The following GFRA1 variants were observed in gnomAD, a reference collection of about 807,000 sequenced individuals.
The protein encoded by GFRA1 is GDNF family receptor alpha 1, also known as GDNF family receptor alpha-1.
GFRA1 carries 16 observed loss-of-function variants against 51.6 expected under a neutral mutation model. The ratio of observed to expected loss-of-function variants is 0.31; its 90% CI spans 0.21 to 0.47. The LOEUF is 0.47. Among genes scored for constraint, GFRA1 ranks in the 20% least tolerant of loss-of-function variants. The pLI is 1.00. For missense variants in GFRA1, 530 were observed against 594.3 expected (o/e 0.89, Z 1.13); for synonymous variants, 270 against 241.3 (o/e 1.12, Z -1.10).
chr10:116,189,201 G>A (rs1565637674), intron 5 of GFRA1, among the ~76,000 whole-genome samples: 1 of 151,924 alleles, frequency 6.6e-6, no homozygotes, highest in Non-Finnish European at 1.5e-5. Flanking sequence ...TAGACTTAAA[G>A]GTGGGATACA....
intron 4 of GFRA1, among the ~76,000 whole-genome samples, chr10:116,232,579 C>T (rs763462498): frequency 5.3e-5 from 8 of 151,390 alleles, no homozygotes; most frequent in African/African-American, 7.3e-5. Flanking sequence ...ATCACCAGAA[C>T]AAAAAGCTAT....
chr10:116,260,124 C>G (rs1190558025), intron 4 of GFRA1, among the ~76,000 whole-genome samples: 1 of 152,182 alleles, frequency 6.6e-6, no homozygotes, highest in Non-Finnish European at 1.5e-5. Flanking sequence ...GATTAAAAGT[C>G]TGTCATATGC....
At chr10:116,078,804 C>T (rs977333171) in intron 9 of GFRA1, among the ~76,000 whole-genome samples, 2 of 152,150 alleles carry the variant, frequency 1.3e-5, no homozygotes, top group African/African-American at 2.4e-5. Context: ...AAATAACACG[C>T]AGCCCCAAGA....
chr10:116,083,566 A>G (rs1438514175), intron 9 of GFRA1, among the ~76,000 whole-genome samples: 1 of 152,226 alleles, frequency 6.6e-6, no homozygotes, highest in Admixed American at 6.5e-5. Context: ...TGCTGGCACA[A>G]ATGATTTACA....
In GFRA1 at chr10:116,060,114, T is replaced by A. The variant is rs957786476; in HGVS notation, c.*4284A>T. 1.3e-5 allele frequency: 2 copies of A among 152,040 alleles called. No individual in the cohort carries two copies. The highest frequency in any genetic ancestry group is 2.9e-5 in the Non-Finnish European group (2 of 68,020). The allele number at this position is 152,040 out of a possible 1,614,324, so 9.4% of individuals were successfully genotyped here. On this transcript the variant is annotated 3_prime_UTR_variant, in exon 11 of 11. Coordinates refer to ENST00000355422, the MANE Select transcript of GFRA1 (RefSeq NM_005264.8). ...GGAGGGAGTGGAAAAAAACACAGAT[T>A]TAAAGCCTCTGCAGTGAGAATCTTT... is the stretch of plus-strand genomic sequence containing the variant.
intron 4 of GFRA1, among the ~76,000 whole-genome samples, chr10:116,267,543 C>T (rs1589926126): frequency 6.6e-6 from 1 of 152,180 alleles, no homozygotes; most frequent in Non-Finnish European, 1.5e-5. Flanking sequence ...GCCCTTCTTC[C>T]TTGCCTGCTT....
At chr10:116,134,098 A>G (rs889756561) in intron 5 of GFRA1, among the ~76,000 whole-genome samples, 3 of 152,240 alleles carry the variant, frequency 2.0e-5, no homozygotes, top group Non-Finnish European at 4.4e-5. Context: ...GAGGTAGAAT[A>G]AAACAGTAAA....
At chr10:116,178,301 G>GC (rs892772988) in intron 5 of GFRA1, among the ~76,000 whole-genome samples, 47 of 100,690 alleles carry the variant, frequency 4.7e-4, no homozygotes, top group African/African-American at 1.3e-3. Flanking sequence ...CAAGGGGCCG[G>GC]GGGGGCGTTT....
intron 6 of GFRA1, among the ~76,000 whole-genome samples, chr10:116,112,499 C>T (rs531394364): frequency 6.6e-6 from 1 of 152,284 alleles, no homozygotes; most frequent in East Asian, 1.9e-4. Flanking sequence ...TTCTAAGCAC[C>T]AGAGGTTGCC....
rs1375596028 is a variant in GFRA1 at position 116,271,976 on chromosome 10, G to A, written c.40+14C>T. 1.9e-6 allele frequency: 3 copies of A among 1,551,534 alleles called. No homozygotes were observed. Among genetic ancestry groups the A allele is most frequent in the Admixed American group, 1.9e-5 (1 of 51,684 alleles). ...CTCAGAGGGTAAGAAAGCCCGCGGCGGGCCTCGACTTACCCAAGAGCGGCA... is the reference window on the plus strand; with the variant it reads ...CTCAGAGGGTAAGAAAGCCCGCGGCAGGCCTCGACTTACCCAAGAGCGGCA... On this transcript the variant is annotated intron_variant, in intron 2 of 10. Transcript: ENST00000355422.
chr10:116,259,370 A>G (rs1212156751), intron 4 of GFRA1, among the ~76,000 whole-genome samples: 2 of 150,894 alleles, frequency 1.3e-5, no homozygotes, highest in Admixed American at 1.3e-4. Context: ...ATACGACAAC[A>G]TGACAAAAAA....
At chr10:116,156,496 G>T (rs1959202201) in intron 5 of GFRA1, among the ~76,000 whole-genome samples, 2 of 152,084 alleles carry the variant, frequency 1.3e-5, no homozygotes, top group African/African-American at 4.8e-5. Context: ...AATCTGTTTT[G>T]CCCCAACATG....
intron 9 of GFRA1, among the ~76,000 whole-genome samples, chr10:116,083,810 G>C (rs1387297782): frequency 6.6e-6 from 1 of 152,122 alleles, no homozygotes; most frequent in Non-Finnish European, 1.5e-5. Flanking sequence ...GTGGGGAGAG[G>C]GTGGAAGGGA....
At chr10:116,079,816 G>A (rs1000859965) in intron 9 of GFRA1, among the ~76,000 whole-genome samples, 6 of 152,130 alleles carry the variant, frequency 3.9e-5, no homozygotes, top group African/African-American at 1.2e-4. Context: ...TTGGCACAGG[G>A]GGGTGTGCAG....
chr10:116,232,282 G>T (rs549074606), intron 4 of GFRA1, among the ~76,000 whole-genome samples: 2 of 152,290 alleles, frequency 1.3e-5, no homozygotes, highest in South Asian at 4.2e-4. Context: ...GCCTTACAGG[G>T]TGTAATCTGG....
chr10:116,059,823 G>A lies in GFRA1; in HGVS notation c.*4575C>T, dbSNP rs2133733513. The A allele has an allele frequency of 6.6e-6, 1 of 152,334 alleles. No homozygotes were observed. The highest frequency in any genetic ancestry group is 1.5e-5 in the Non-Finnish European group (1 of 68,046). 9.4% of individuals were successfully genotyped at this position (152,334 alleles called of 1,614,324 possible). ...GAGCTCAGAGGAGAGTTAGCTGGAG[G>A]AACTTCGTATTTGGGGATTAGCATC... On this transcript the variant is annotated 3_prime_UTR_variant, in exon 11 of 11. Coordinates refer to ENST00000355422, the MANE Select transcript of GFRA1 (RefSeq NM_005264.8).
intron 7 of GFRA1, among the ~76,000 whole-genome samples, chr10:116,095,823 C>T (rs1419034847): frequency 4.6e-5 from 7 of 152,258 alleles, no homozygotes; most frequent in South Asian, 2.1e-4. Context: ...GCTGAGCCAT[C>T]GTGCTTCTGA....
chr10:116,267,471 T>TCAAA (rs767047076), intron 4 of GFRA1, among the ~76,000 whole-genome samples: 7 of 148,472 alleles, frequency 4.7e-5, no homozygotes, highest in Non-Finnish European at 7.4e-5. Context: ...AGACTTCGTC[T>TCAAA]CAAACAAACA....
At chr10:116,101,611 A>C (rs1349731286) in intron 6 of GFRA1, among the ~76,000 whole-genome samples, 1 of 152,178 alleles carries the variant, frequency 6.6e-6, no homozygotes, top group Non-Finnish European at 1.5e-5. Context: ...CAGTGGGGAG[A>C]AAATTATTTA....
Sources: allele counts gnomAD v4.1 joint callset (sites outside exome capture counted in the v4.1 genomes callset), GRCh38; gene constraint gnomAD v4.1.1; transcripts MANE v1.5; gene names NCBI Gene and HGNC (gene_info 2026-07-23, HGNC 2026-07-21).